The following OBI1 variants were observed in gnomAD, a reference collection of about 807,000 sequenced individuals.
The protein encoded by OBI1 is ring finger protein 219.
Under a neutral mutation model 62.4 loss-of-function variants are expected in OBI1, and 59 were observed. The ratio of observed to expected loss-of-function variants is 0.95; its 90% CI spans 0.77 to 1.17. The LOEUF (loss-of-function observed/expected upper bound fraction) is 1.17. OBI1 is among the 50% of genes most tolerant of loss of function. The pLI, the probability that OBI1 is intolerant of heterozygous loss-of-function variation, is 0.00. For missense variants in OBI1, 875 were observed against 830.9 expected (o/e 1.05, Z -0.65); for synonymous variants, 302 against 292.8 (o/e 1.03, Z -0.32).
chr13:78,637,924 T>C (rs561904118), intron 4 of OBI1, among the ~76,000 whole-genome samples: 57 of 152,212 alleles, frequency 3.7e-4, no homozygotes, highest in Non-Finnish European at 7.2e-4. Context: ...AGAGCCAATA[T>C]ACAGGGGAAC....
intron 1 of OBI1, among the ~76,000 whole-genome samples, chr13:78,654,983 C>T (rs1465003259): frequency 6.6e-6 from 1 of 152,182 alleles, no homozygotes; most frequent in African/African-American, 2.4e-5. Context: ...AAGGGTAGGA[C>T]CCAAAACTGG....
At chr13:78,621,577 CAA>C (rs1297490708) in intron 5 of OBI1, among the ~76,000 whole-genome samples, 6 of 152,136 alleles carry the variant, frequency 3.9e-5, no homozygotes, top group Admixed American at 3.9e-4. Flanking sequence ...AAGAAATAAA[CAA>C]TGATAACATT....
intron 3 of OBI1, 89 bp downstream of exon 3, chr13:78,642,033 T>C: frequency 1.7e-6 from 1 of 573,616 alleles, no homozygotes; most frequent in Non-Finnish European, 3.1e-6. Flanking sequence ...TCATTGGATA[T>C]TTACTCTAAG....
At chr13:78,647,579 C>T (rs913524606) in intron 1 of OBI1, among the ~76,000 whole-genome samples, 2 of 152,254 alleles carry the variant, frequency 1.3e-5, no homozygotes, top group African/African-American at 4.8e-5. Flanking sequence ...TCTCCTACTA[C>T]ATTCCTCTTG....
Position 78,638,914 on chromosome 13 carries a change from T to G in OBI1, c.458A>C (p.Asn153Thr). 6.2e-7 allele frequency: 1 copy of G among 1,614,048 alleles called. No individual in the cohort carries two copies. The highest frequency in any genetic ancestry group is 8.5e-7 in the Non-Finnish European group (1 of 1,179,956). The change falls in exon 4 of 6, where the codon AAC becomes ACC. Residue 153 changes from asparagine to threonine, a missense_variant. By Grantham distance (65) the Asn-to-Thr change is moderately conservative. Transcript: ENST00000282003. ...CTTCCACTCTGCTACAGTTTCTGGG[T>G]TAATTTTACTTGGATTATCTGTGAC... ...HLVTDNPSKI[N>T]PETVAEWKKK...
intron 5 of OBI1, among the ~76,000 whole-genome samples, chr13:78,622,911 G>A (rs1252349952): frequency 6.6e-6 from 1 of 152,140 alleles, no homozygotes; most frequent in African/African-American, 2.4e-5. Context: ...AACTGTGTTA[G>A]GTGGTGGGGG....
At position 78,650,126 on chromosome 13, in the gene OBI1, T is replaced by G. The variant is rs150299825; in HGVS notation, c.73-5129A>C. Among the ~76,000 whole-genome samples the G allele has an allele frequency of 3.2e-3, 488 of 152,286 alleles. 2 individuals are homozygous for G. The highest frequency in any genetic ancestry group is 0.011 in the African/African-American group (469 of 41,550). On this transcript the variant is annotated intron_variant, in intron 1 of 5. Transcript: ENST00000282003. ...AGGTGTGTATTTTTCTTATCAATAT[T>G]TAGCTGTGGAGACTCAGGAAGGAAG...
intron 4 of OBI1, among the ~76,000 whole-genome samples, chr13:78,638,107 G>C (rs748535717): frequency 1.2e-4 from 18 of 152,172 alleles, no homozygotes; most frequent in Non-Finnish European, 2.2e-4. Context: ...GGATAAACTT[G>C]AACTCAAGCT....
chr13:78,631,989 A>G (rs1875866003), intron 5 of OBI1, among the ~76,000 whole-genome samples: 1 of 152,174 alleles, frequency 6.6e-6, no homozygotes, highest in African/African-American at 2.4e-5. Flanking sequence ...ACCAGATTTT[A>G]GTCAAGTTTT....
At chr13:78,651,580 T>C (rs576779924) in intron 1 of OBI1, among the ~76,000 whole-genome samples, 3 of 152,244 alleles carry the variant, frequency 2.0e-5, no homozygotes, top group East Asian at 3.9e-4. Context: ...CAGCTTGATA[T>C]ATCCTCCTGG....
intron 4 of OBI1, among the ~76,000 whole-genome samples, chr13:78,637,396 T>C (rs925273470): frequency 1.3e-5 from 2 of 152,242 alleles, no homozygotes; most frequent in African/African-American, 2.4e-5. Context: ...GCTTTGAGTA[T>C]TGAATTTAAC....
chr13:78,653,873 G>C (rs1250439244), intron 1 of OBI1, among the ~76,000 whole-genome samples: 1 of 152,026 alleles, frequency 6.6e-6, no homozygotes, highest in African/African-American at 2.4e-5. Flanking sequence ...ACTATGTAAA[G>C]GATTAGTCTT....
chr13:78,626,036 T>TG (rs1335103907), intron 5 of OBI1, among the ~76,000 whole-genome samples: 12 of 152,140 alleles, frequency 7.9e-5, no homozygotes, highest in Non-Finnish European at 1.5e-4. Flanking sequence ...ACTGCACAGC[T>TG]CAGAGTCAGC....
At chr13:78,641,575 T>C (rs1390082983) in intron 3 of OBI1, among the ~76,000 whole-genome samples, 1 of 152,204 alleles carries the variant, frequency 6.6e-6, no homozygotes, top group Non-Finnish European at 1.5e-5. Context: ...TGTCCAATCA[T>C]CCTGTTCATT....
intron 5 of OBI1, among the ~76,000 whole-genome samples, chr13:78,617,943 C>T (rs545756775): frequency 6.6e-6 from 1 of 152,198 alleles, no homozygotes; most frequent in African/African-American, 2.4e-5. Flanking sequence ...CCGGGATTAT[C>T]TTGCTGTTAT....
intron 1 of OBI1, among the ~76,000 whole-genome samples, chr13:78,647,385 C>T (rs781202204): frequency 5.9e-5 from 9 of 152,206 alleles, no homozygotes; most frequent in South Asian, 2.1e-4. Flanking sequence ...TGGCGGGAGG[C>T]GAGACATGTT....
intron 5 of OBI1, among the ~76,000 whole-genome samples, chr13:78,624,722 A>C (rs1012681421): frequency 1.3e-5 from 2 of 152,198 alleles, no homozygotes; most frequent in Non-Finnish European, 2.9e-5. Flanking sequence ...TTTTGTGGTA[A>C]ACCTCTAAGG....
intron 5 of OBI1, among the ~76,000 whole-genome samples, chr13:78,630,271 T>C (rs1042433551): frequency 6.6e-6 from 1 of 152,152 alleles, no homozygotes; most frequent in Admixed American, 6.5e-5. Context: ...TGGGGTTTTT[T>C]TCCTTAATAT....
chr13:78,650,674 TA>T (rs1443366303), intron 1 of OBI1, among the ~76,000 whole-genome samples: 1 of 151,460 alleles, frequency 6.6e-6, no homozygotes, highest in Non-Finnish European at 1.5e-5. Flanking sequence ...CTTAACCTAG[TA>T]ACCTTTTCAT....
Sources: allele counts gnomAD v4.1 joint callset (sites outside exome capture counted in the v4.1 genomes callset), GRCh38; gene constraint gnomAD v4.1.1; transcripts MANE v1.5; gene names NCBI Gene and HGNC (gene_info 2026-07-23, HGNC 2026-07-21).